The following FHIT variants were observed in gnomAD, a reference collection of about 807,000 sequenced individuals.
The protein encoded by FHIT is fragile histidine triad diadenosine triphosphatase.
Under a neutral mutation model 17.9 loss-of-function variants are expected in FHIT, and 19 were observed. The ratio of observed to expected loss-of-function variants is 1.06; its 90% CI spans 0.74 to 1.56. FHIT has a LOEUF of 1.56. Among genes scored for constraint, FHIT ranks in the 40% most tolerant of loss-of-function variants. The probability of loss-of-function intolerance (pLI) is 0.00; values close to 1 mark genes in which losing one functional copy is unlikely to be tolerated. For missense variants in FHIT, 248 were observed against 189.2 expected, an observed-to-expected ratio of 1.31 and a Z score of -1.82; for synonymous variants, 81 against 69.7, an observed-to-expected ratio of 1.16 and a Z score of -0.81.
intron 5 of FHIT, among the ~76,000 whole-genome samples, chr3:60,154,206 A>G (rs1700585611): frequency 1.3e-5 from 2 of 152,150 alleles, no homozygotes; most frequent in Non-Finnish European, 1.5e-5. Context: ...CCAAGGTCTG[A>G]TTTTTCACTC....
intron 7 of FHIT, among the ~76,000 whole-genome samples, chr3:59,978,997 C>A (rs1181653780): frequency 6.6e-6 from 1 of 152,090 alleles, no homozygotes; most frequent in Admixed American, 6.6e-5. Context: ...ATACTTCCCT[C>A]TGCATCTGGA....
chr3:60,296,365 C>T (rs1350845813), intron 5 of FHIT, among the ~76,000 whole-genome samples: 1 of 152,100 alleles, frequency 6.6e-6, no homozygotes, highest in African/African-American at 2.4e-5. Context: ...CCACTTGTCA[C>T]TCTCATAGAT....
chr3:60,398,771 T>C (rs1701552957), intron 5 of FHIT, among the ~76,000 whole-genome samples: 1 of 152,164 alleles, frequency 6.6e-6, no homozygotes, highest in Non-Finnish European at 1.5e-5. Flanking sequence ...AGGAATCTAT[T>C]TGATTTCATA....
At chr3:60,265,545 C>T (rs1444212838) in intron 5 of FHIT, among the ~76,000 whole-genome samples, 1 of 151,876 alleles carries the variant, frequency 6.6e-6, no homozygotes, top group Non-Finnish European at 1.5e-5. Context: ...CAAGCAACGA[C>T]AGCCACAACA....
chr3:59,973,828 C>A (rs984316499), intron 7 of FHIT, among the ~76,000 whole-genome samples: 1 of 151,996 alleles, frequency 6.6e-6, no homozygotes, highest in Non-Finnish European at 1.5e-5. Context: ...AGGAGAGGTT[C>A]CATAACTAAC....
At chr3:60,749,112 G>A (rs1262213338) in intron 4 of FHIT, among the ~76,000 whole-genome samples, 3 of 152,094 alleles carry the variant, frequency 2.0e-5, no homozygotes, top group African/African-American at 7.2e-5. Context: ...AAGAAAGTTT[G>A]TAATAATGTT....
intron 5 of FHIT, among the ~76,000 whole-genome samples, chr3:60,074,944 G>A (rs1248146765): frequency 1.3e-5 from 2 of 152,016 alleles, no homozygotes; most frequent in Non-Finnish European, 1.5e-5. Flanking sequence ...CTGGATCCAA[G>A]ACATGAAGCA....
chr3:60,002,812 T>C (rs1287418011), intron 7 of FHIT, among the ~76,000 whole-genome samples: 1 of 152,152 alleles, frequency 6.6e-6, no homozygotes, highest in Non-Finnish European at 1.5e-5. Context: ...ACTGAATAAT[T>C]TGAGATGAGT....
intron 4 of FHIT, among the ~76,000 whole-genome samples, chr3:60,660,855 A>G (rs1279104317): frequency 1.4e-5 from 2 of 145,426 alleles, no homozygotes; most frequent in Non-Finnish European, 3.0e-5. Context: ...AGTTCTTTAT[A>G]TATTGTAAAT....
intron 1 of FHIT, among the ~76,000 whole-genome samples, chr3:61,214,933 A>C (rs1156423932): frequency 6.6e-6 from 1 of 151,974 alleles, no homozygotes; most frequent in African/African-American, 2.4e-5. Context: ...TAGATGCAGA[A>C]AAGGCCTTTG....
intron 5 of FHIT, among the ~76,000 whole-genome samples, chr3:60,474,162 A>T (rs2033230064): frequency 6.6e-6 from 1 of 152,210 alleles, no homozygotes; most frequent in Non-Finnish European, 1.5e-5. Context: ...AAGCAGACAG[A>T]GGGCAGGGAG....
At chr3:59,951,015 T>C (rs1707089339) in intron 7 of FHIT, among the ~76,000 whole-genome samples, 1 of 152,244 alleles carries the variant, frequency 6.6e-6, no homozygotes, top group Non-Finnish European at 1.5e-5. Context: ...GAGCCCTTGC[T>C]ACATGCCAGG....
intron 1 of FHIT, among the ~76,000 whole-genome samples, chr3:61,207,675 T>G (rs1022170836): frequency 6.6e-6 from 1 of 152,226 alleles, no homozygotes; most frequent in African/African-American, 2.4e-5. Flanking sequence ...ATCCCCTTTA[T>G]CATTTTTATT....
At chr3:60,744,263 C>CAAAAAAAAAAAAAAAAAAAAA (rs1201886354) in intron 4 of FHIT, among the ~76,000 whole-genome samples, 5 of 85,980 alleles carry the variant, frequency 5.8e-5, no homozygotes, top group Non-Finnish European at 9.2e-5. Flanking sequence ...AAAAACAAAA[C>CAAAAAAAAAAAAAAAAAAAAA]AAAACAAAAA....
intron 5 of FHIT, among the ~76,000 whole-genome samples, chr3:60,473,454 G>A (rs1546817): frequency 6.6e-6 from 1 of 151,820 alleles, no homozygotes; most frequent in Non-Finnish European, 1.5e-5. Flanking sequence ...ATTATCAAGA[G>A]AGAATAAATA....
intron 5 of FHIT, among the ~76,000 whole-genome samples, chr3:60,163,929 T>C (rs1450649870): frequency 6.6e-6 from 1 of 152,156 alleles, no homozygotes; most frequent in African/African-American, 2.4e-5. Flanking sequence ...TGTGCTTCTG[T>C]CATTCTTTGA....
rs75196882 is a variant in FHIT at position 60,182,277 on chromosome 3, C to T, written c.104-168125G>A. On this transcript the variant is annotated intron_variant, in intron 5 of 9. Transcript: ENST00000492590. ...TATTAGTGGGACCATGACCTGAAAA[C>T]AAATCCTACAGGCCTCCTACCTCAA... Among the ~76,000 whole-genome samples the T allele has an allele frequency of 7.4e-3, 1,122 of 152,288 alleles. 11 individuals are homozygous for T. Among genetic ancestry groups the T allele is most frequent in the African/African-American group, 0.025 (1,041 of 41,564 alleles).
chr3:60,068,194 C>T (rs1174606348), intron 5 of FHIT, among the ~76,000 whole-genome samples: 2 of 152,116 alleles, frequency 1.3e-5, no homozygotes, highest in African/African-American at 4.8e-5. Context: ...GAGATCGCAC[C>T]ACTGCACTCC....
At chr3:60,906,975 A>T (rs1706461151) in intron 3 of FHIT, among the ~76,000 whole-genome samples, 1 of 152,176 alleles carries the variant, frequency 6.6e-6, no homozygotes, top group South Asian at 2.1e-4. Flanking sequence ...GGTAAGAAAC[A>T]ACGTCAGCCC....
Sources: gnomAD v4.1 joint callset for allele counts (sites outside exome capture counted in the v4.1 genomes callset) on GRCh38, gnomAD v4.1.1 for gene constraint, MANE v1.5 for transcripts, NCBI Gene and HGNC (gene_info 2026-07-23, HGNC 2026-07-21) for gene names.